Variants in CLN6 observed in about 807,000 individuals in gnomAD.
The protein encoded by CLN6 is CLN6 transmembrane ER protein.
A neutral mutation model predicts 33.3 loss-of-function variants in CLN6; 22 were observed. The ratio of observed to expected loss-of-function variants is 0.66; its 90% CI spans 0.47 to 0.94. CLN6 has a LOEUF of 0.94. Ranked by LOEUF, CLN6 falls within the 40% of genes least tolerant of loss-of-function variation. The probability of loss-of-function intolerance (pLI) is 0.00; values close to 1 mark genes in which losing one functional copy is unlikely to be tolerated. For synonymous variants in CLN6, 201 were observed against 174.6 expected, an observed-to-expected ratio of 1.15 and a Z score of -1.19; for missense variants, 387 against 417.1, an observed-to-expected ratio of 0.93 and a Z score of 0.63.
At position 68,246,611 on chromosome 15, in the gene CLN6, A is replaced by C. The variant is rs1892331823; in HGVS notation, c.179+10079T>G. 6.6e-6 allele frequency among the ~76,000 whole-genome samples: 1 copy of C among 152,136 alleles called. No homozygotes were observed. The highest frequency in any genetic ancestry group is 6.6e-5 in the Admixed American group (1 of 15,266). The stretch of plus-strand genomic sequence containing the variant: ...TATAGCAATAAATGCCTACATCAAA[A>C]AAGCAGAAAGACTTCAAATAAACAA... On this transcript the variant is annotated intron_variant, in intron 1 of 6. Coordinates refer to the CLN6 transcript ENST00000538696. The surrounding 1 kb of genome is among the most constrained non-coding windows in gnomAD (Gnocchi z 4.5).
At chr15:68,222,317 C>G (rs374756890) in intron 1 of CLN6, among the ~76,000 whole-genome samples, 166 of 147,790 alleles carry the variant, frequency 1.1e-3, no homozygotes, top group African/African-American at 4.0e-3. Flanking sequence ...AGGAGCGCCT[C>G]TGCCTGGCTG....
rs926709197 is a variant in CLN6 at position 68,211,952 on chromosome 15, A to G, written c.298-89T>C. ...CTTCCCCCCTCACACCTGGGGTGGG[A>G]TGGACGCTTCCAGCTGGAATGTCAC... On this transcript the variant is annotated intron_variant, in intron 3 of 6. Coordinates refer to ENST00000249806, the MANE Select transcript of CLN6 (RefSeq NM_017882.3). The surrounding 1 kb of genome is among the most constrained non-coding windows in gnomAD (Gnocchi z 5.9). 8.1e-6 allele frequency: 11 copies of G among 1,364,696 alleles called. No homozygotes were observed. The African/African-American group carries it at 1.4e-4, about 18-fold the overall frequency. 84.5% of individuals were successfully genotyped at this position (1,364,696 alleles called of 1,614,324 possible).
At chr15:68,235,406 CA>C (rs1245142387) in intron 1 of CLN6, among the ~76,000 whole-genome samples, 2 of 151,994 alleles carry the variant, frequency 1.3e-5, no homozygotes, top group African/African-American at 4.8e-5. Context: ...TCAGAATTGT[CA>C]ACCTGAGCTC....
rs912562783 is a variant in CLN6 at position 68,234,788 on chromosome 15, G to A, written c.180-16138C>T. On this transcript the variant is annotated intron_variant, in intron 1 of 6. Coordinates refer to the CLN6 transcript ENST00000538696. This position sits in a 1 kb window ranked among gnomAD's most constrained non-coding sequence, Gnocchi z 4.1. ...TCCCAGCACTTTGGGAGGCCAAGGTGAGCAGATCATTTGAGGTCGGGAGTT... is the reference window on the plus strand; with the variant it reads ...TCCCAGCACTTTGGGAGGCCAAGGTAAGCAGATCATTTGAGGTCGGGAGTT... 3.3e-5 allele frequency among the ~76,000 whole-genome samples: 5 copies of A among 152,210 alleles called. No individual in the cohort carries two copies. The highest frequency in any genetic ancestry group is 9.7e-5 in the African/African-American group (4 of 41,450).
intron 1 of CLN6, among the ~76,000 whole-genome samples, chr15:68,254,121 C>T (rs926914988): frequency 2.0e-5 from 3 of 152,082 alleles, no homozygotes; most frequent in Non-Finnish European, 4.4e-5. Flanking sequence ...CCTCGTGATC[C>T]GCCCGTCTCG....
chr15:68,235,432 G>A (rs1351694976), intron 1 of CLN6, among the ~76,000 whole-genome samples: 1 of 152,020 alleles, frequency 6.6e-6, no homozygotes, highest in Non-Finnish European at 1.5e-5. Flanking sequence ...TAGTCAAATT[G>A]TGGAATTTAA....
At chr15:68,238,450 G>C (rs897186806) in intron 1 of CLN6, among the ~76,000 whole-genome samples, 1 of 151,670 alleles carries the variant, frequency 6.6e-6, no homozygotes, top group African/African-American at 2.4e-5. Flanking sequence ...ATGGTGTAGA[G>C]AAACCACAAA....
chr15:68,238,380 C>T (rs192079821), intron 1 of CLN6, among the ~76,000 whole-genome samples: 270 of 150,634 alleles, frequency 1.8e-3, no homozygotes, highest in Middle Eastern at 0.014. Context: ...CTCCAGCTGG[C>T]GACAGAGTGA....
chr15:68,232,572 T>A (rs1012168970), upstream of CLN6, among the ~76,000 whole-genome samples: 6 of 152,192 alleles, frequency 3.9e-5, no homozygotes, highest in Non-Finnish European at 8.8e-5. This position sits in a 1 kb window ranked among gnomAD's most constrained non-coding sequence, Gnocchi z 4.7. Context: ...CAGGCAGAAG[T>A]CAACTGCACC....
Position 68,208,573 on chromosome 15 carries a change from G to C in CLN6, c.666-163C>G, listed in dbSNP as rs2093194989. Among the ~76,000 whole-genome samples the C allele has an allele frequency of 6.6e-6, 1 of 152,246 alleles. No homozygotes were observed. Among genetic ancestry groups the C allele is most frequent in the African/African-American group, 2.4e-5 (1 of 41,456 alleles). ...CGCTCTAAGCCACAGCCCATGGGCAGCATATTGATTTAGCTGGTATAGTTA... is the reference window on the plus strand; with the variant it reads ...CGCTCTAAGCCACAGCCCATGGGCACCATATTGATTTAGCTGGTATAGTTA... On this transcript the variant is annotated intron_variant, in intron 6 of 6. Coordinates refer to ENST00000249806, the MANE Select transcript of CLN6 (RefSeq NM_017882.3). The surrounding 1 kb of genome is among the most constrained non-coding windows in gnomAD (Gnocchi z 5.8).
At chr15:68,251,538 G>A (rs569580730) in intron 1 of CLN6, among the ~76,000 whole-genome samples, 1 of 152,124 alleles carries the variant, frequency 6.6e-6, no homozygotes, top group East Asian at 1.9e-4. Context: ...AGCTGGATAT[G>A]GTGGTGCACA....
At chr15:68,223,113 A>G (rs2093242509) in intron 1 of CLN6, among the ~76,000 whole-genome samples, 2 of 151,940 alleles carry the variant, frequency 1.3e-5, no homozygotes, top group Non-Finnish European at 2.9e-5. Context: ...AACACCCAAG[A>G]ATGATCAATA....
In CLN6 at chr15:68,256,946, G is replaced by T; in HGVS notation, c.-78C>A. The T allele has an allele frequency of 1.7e-6, 1 of 600,200 alleles. No homozygotes were observed. Among genetic ancestry groups the T allele is most frequent in the South Asian group, 1.9e-5 (1 of 51,716 alleles). 37.2% of individuals were successfully genotyped at this position (600,200 alleles called of 1,614,324 possible). On this transcript the variant is annotated 5_prime_UTR_variant, in exon 1 of 7. Coordinates refer to the CLN6 transcript ENST00000538696. The surrounding 1 kb of genome is among the most constrained non-coding windows in gnomAD (Gnocchi z 4.1). The stretch of plus-strand genomic sequence containing the variant: ...GTCCCACCGCGTCGTGGGGCAGGGT[G>T]TAGTGATGGTCACGCATCCCTTCCC...
chr15:68,217,410 T>C (rs539148514), intron 2 of CLN6, among the ~76,000 whole-genome samples: 8 of 152,256 alleles, frequency 5.3e-5, no homozygotes, highest in Admixed American at 2.0e-4. Flanking sequence ...ACAAATCTTT[T>C]ATAGAGACAG....
intron 1 of CLN6, among the ~76,000 whole-genome samples, chr15:68,239,435 T>C (rs1424733661): frequency 6.6e-6 from 1 of 152,164 alleles, no homozygotes; most frequent in Non-Finnish European, 1.5e-5. Flanking sequence ...GTTTTTGCTA[T>C]TACTTTTGTG....
chr15:68,218,562 G>C lies in CLN6; in HGVS notation c.172C>G (p.Leu58Val), dbSNP rs1371720570. The stretch of plus-strand genomic sequence containing the variant: ...ATGGCAATGGGACGCCCAAAGTCCA[G>C]AACCCAGTTCTGCAGTGTGAAGTAG... ...WFYFTLQNWV[L>V]DFGRPIAMLV... The change falls in exon 2 of 7, where the codon CTG becomes GTG. Residue 58 changes from leucine (L) to valine (V), a missense_variant. Physicochemically the swap from Leu to Val is conservative, Grantham distance 32. Transcript: ENST00000249806. 1 of 1,613,776 alleles carries C rather than the reference G, an allele frequency of 6.2e-7. No individual in the cohort carries two copies. The highest frequency in any genetic ancestry group is 8.5e-7 in the Non-Finnish European group (1 of 1,179,866).
intron 1 of CLN6, among the ~76,000 whole-genome samples, chr15:68,237,620 G>A (rs1390039160): frequency 3.9e-5 from 6 of 152,222 alleles, no homozygotes; most frequent in African/African-American, 1.2e-4. Flanking sequence ...ATGCAGCACA[G>A]GTTGCTAAGG....
intron 1 of CLN6, among the ~76,000 whole-genome samples, chr15:68,255,239 T>C (rs1428416986): frequency 6.6e-6 from 1 of 152,180 alleles, no homozygotes; most frequent in Non-Finnish European, 1.5e-5. Flanking sequence ...CCTTTCTATG[T>C]CCTCTTCTCC....
At chr15:68,251,967 CTTTTTTTTTTTTTT>C (rs35907860) in intron 1 of CLN6, among the ~76,000 whole-genome samples, 3 of 71,868 alleles carry the variant, frequency 4.2e-5, no homozygotes, top group South Asian at 4.8e-4. Flanking sequence ...ATGTGTGAAT[CTTTTTTTTTTTTTT>C]TTTTTTTTTT....
Sources: allele counts gnomAD v4.1 joint callset (sites outside exome capture counted in the v4.1 genomes callset), GRCh38; gene constraint gnomAD v4.1.1; non-coding constraint Gnocchi (gnomAD v3.1); transcripts MANE v1.5; gene names NCBI Gene and HGNC (gene_info 2026-07-23, HGNC 2026-07-21).